CNGB3: variants seen among roughly 807,000 people sequenced by gnomAD.
CNGB3 encodes the protein cyclic nucleotide-gated channel beta-3.
In CNGB3, 86 loss-of-function variants were observed where a neutral mutation model predicts 92.8. The observed-to-expected ratio is 0.93, with a 90% CI of 0.78 to 1.11. CNGB3 has a LOEUF of 1.11. CNGB3 is among the 50% of genes least tolerant of loss of function. The pLI is 0.00. For missense variants in CNGB3, 1,026 were observed against 956.8 expected, an observed-to-expected ratio of 1.07 and a Z score of -0.95; for synonymous variants, 333 against 332.7, an observed-to-expected ratio of 1.00 and a Z score of -0.01.
At chr8:86,659,066 T>C in intron 6 of CNGB3, 1 of 870,016 alleles carries the variant, frequency 1.1e-6, no homozygotes, top group South Asian at 1.5e-5. Flanking sequence ...AGGGCCCTGC[T>C]GGGGGCTCCA....
chr8:86,671,065 T>TA lies in CNGB3; in HGVS notation c.371dup (p.Asn125LysfsTer2). ...GTAGCTGGGCATCGGCATACTCATT[T>TA]ATAACAGGAGCTGCAGGCGGTTTGT... On this transcript the variant is annotated frameshift_variant, in exon 4 of 18. Coordinates refer to ENST00000320005, the MANE Select transcript of CNGB3 (RefSeq NM_019098.5). LOFTEE classifies it high-confidence loss of function. 2 of 1,614,056 alleles carry TA rather than the reference T, an allele frequency of 1.2e-6. No homozygotes were observed. Among genetic ancestry groups the TA allele is most frequent in the Non-Finnish European group, 1.7e-6 (2 of 1,180,032 alleles).
intron 3 of CNGB3, among the ~76,000 whole-genome samples, chr8:86,689,826 C>T (rs1563755193): frequency 6.6e-6 from 1 of 151,592 alleles, no homozygotes. Flanking sequence ...GGTTTTCTGT[C>T]CTTGTGATAG....
At chr8:86,667,456 T>A (rs1823765451) in intron 5 of CNGB3, among the ~76,000 whole-genome samples, 1 of 152,204 alleles carries the variant, frequency 6.6e-6, no homozygotes, top group African/African-American at 2.4e-5. Flanking sequence ...TTGGAAGGAC[T>A]TTGCACAGAC....
intron 15 of CNGB3, among the ~76,000 whole-genome samples, chr8:86,588,652 A>C (rs375544691): frequency 6.7e-6 from 1 of 148,766 alleles, no homozygotes; most frequent in Admixed American, 6.7e-5. Context: ...ATTGATTTGC[A>C]TATATTGAAC....
At chr8:86,695,131 C>G (rs1018952200) in intron 3 of CNGB3, among the ~76,000 whole-genome samples, 4 of 146,218 alleles carry the variant, frequency 2.7e-5, no homozygotes, top group Non-Finnish European at 6.0e-5. Flanking sequence ...CCCGTCTCCA[C>G]CAAAAAAATA....
chr8:86,582,584 AG>A (rs974967256), intron 15 of CNGB3, among the ~76,000 whole-genome samples: 6 of 152,152 alleles, frequency 3.9e-5, no homozygotes, highest in African/African-American at 1.4e-4. Context: ...AAGAATCCAG[AG>A]GGGGGAAGTA....
At chr8:86,641,410 A>C (rs1176023647) in intron 10 of CNGB3, among the ~76,000 whole-genome samples, 1 of 151,942 alleles carries the variant, frequency 6.6e-6, no homozygotes, top group East Asian at 1.9e-4. Context: ...ACTTTATTCC[A>C]TGGACTTGCC....
chr8:86,660,499 G>A (rs368801149), intron 6 of CNGB3: 8 of 529,316 alleles, frequency 1.5e-5, no homozygotes, highest in African/African-American at 1.4e-4. Flanking sequence ...AGCATGGCCA[G>A]GTGGCAGCAT....
At chr8:86,657,293 T>C (rs1823528575) in intron 6 of CNGB3, 2 of 331,082 alleles carry the variant, frequency 6.0e-6, no homozygotes, top group Non-Finnish European at 1.2e-5. Context: ...CTAAGGATAA[T>C]GGGGTGACTG....
intron 6 of CNGB3, chr8:86,660,746 A>G: frequency 1.9e-6 from 1 of 527,226 alleles, no homozygotes; most frequent in South Asian, 1.4e-5. Context: ...TCCTGAGAGA[A>G]CAGGTAACAC....
intron 3 of CNGB3, among the ~76,000 whole-genome samples, chr8:86,700,769 G>A (rs315964): frequency 0.2 from 29,928 of 152,064 alleles, 3,216 homozygotes; most frequent in Middle Eastern, 0.37. Context: ...CTTGTGAGTA[G>A]CTGGGATTAT....
At chr8:86,591,919 G>T (rs1486863150) in intron 15 of CNGB3, among the ~76,000 whole-genome samples, 2 of 152,252 alleles carry the variant, frequency 1.3e-5, no homozygotes, top group African/African-American at 4.8e-5. Context: ...CTGGGCAATG[G>T]CGGGCGCCCC....
intron 3 of CNGB3, among the ~76,000 whole-genome samples, chr8:86,695,267 G>A (rs1476966729): frequency 2.6e-5 from 4 of 152,308 alleles, no homozygotes; most frequent in Admixed American, 6.5e-5. Flanking sequence ...GCTTCGGCTC[G>A]GCATCAGAGG....
At chr8:86,600,719 C>T (rs186682936) in intron 15 of CNGB3, among the ~76,000 whole-genome samples, 290 of 148,706 alleles carry the variant, frequency 2.0e-3, no homozygotes, top group Non-Finnish European at 1.8e-3. Flanking sequence ...ATGCTATTCT[C>T]CTGCCTCAGC....
At chr8:86,679,232 T>C (rs139585720) in intron 3 of CNGB3, among the ~76,000 whole-genome samples, 79 of 152,340 alleles carry the variant, frequency 5.2e-4, no homozygotes, top group African/African-American at 1.6e-3. Flanking sequence ...CATTCCTCTC[T>C]TTCATTTTAC....
chr8:86,630,330 T>C (rs1822938606), intron 11 of CNGB3, among the ~76,000 whole-genome samples: 1 of 152,158 alleles, frequency 6.6e-6, no homozygotes, highest in South Asian at 2.1e-4. Flanking sequence ...GAGTATTAAG[T>C]TGGGAAGCAA....
chr8:86,626,108 C>T (rs537172205), intron 12 of CNGB3, 28 bp from the exon 13 acceptor site: 28 of 1,514,426 alleles, frequency 1.8e-5, no homozygotes, highest in Middle Eastern at 1.7e-4. Context: ...CATCAAACCC[C>T]GATGCAGAAT....
intron 3 of CNGB3, among the ~76,000 whole-genome samples, chr8:86,699,673 T>C (rs1412252266): frequency 6.6e-6 from 1 of 152,212 alleles, no homozygotes; most frequent in Non-Finnish European, 1.5e-5. Context: ...TTTTTCATTG[T>C]CTGAAAACTG....
rs778202454 is a variant in CNGB3, at chr8:86,632,861, G to A, written c.1211C>T (p.Thr404Ile). 4 of 1,612,678 alleles carry A rather than the reference G, an allele frequency of 2.5e-6. No individual in the cohort carries two copies. The highest frequency in any genetic ancestry group is 3.4e-6 in the Non-Finnish European group (4 of 1,179,814). ...TGGAAGGCCACCAATGGTAATTAAA[G>A]TTCGAACTGCCCAATAATAACATCT... ...YLRCYYWAVR[T>I]LITIGGLPEP... Residue 404 changes from threonine to isoleucine, a missense_variant, in exon 11 of 18, where the codon ACT (threonine) becomes ATT (isoleucine). Physicochemically the swap from Thr to Ile is moderately conservative, Grantham distance 89. Coordinates refer to ENST00000320005, the MANE Select transcript of CNGB3 (RefSeq NM_019098.5).
Sources: allele counts gnomAD v4.1 joint callset (sites outside exome capture counted in the v4.1 genomes callset), GRCh38; gene constraint gnomAD v4.1.1; transcripts MANE v1.5; gene names NCBI Gene and HGNC (gene_info 2026-07-23, HGNC 2026-07-21).